TANC1: variants seen among roughly 807,000 people sequenced by gnomAD.
TANC1 encodes protein TANC1.
A neutral mutation model predicts 149.7 loss-of-function variants in TANC1; 77 were observed. That is an observed-to-expected ratio of 0.51 (90% CI 0.43 to 0.62). The LOEUF (loss-of-function observed/expected upper bound fraction) is 0.62, where lower values mean the gene tolerates loss of function less well. TANC1 is among the 20% of genes least tolerant of loss of function. The pLI, the probability that TANC1 is intolerant of heterozygous loss-of-function variation, is 0.00. For synonymous variants in TANC1, 854 were observed against 925.0 expected, an observed-to-expected ratio of 0.92 and a Z score of 1.39; for missense variants, 1,985 against 2,321.8, an observed-to-expected ratio of 0.85 and a Z score of 2.98.
intron 5 of TANC1, among the ~76,000 whole-genome samples, chr2:159,143,685 G>A (rs1458765546): frequency 2.0e-5 from 3 of 151,712 alleles, no homozygotes; most frequent in African/African-American, 4.9e-5. Flanking sequence ...TCTGTCTGAG[G>A]CTGCAGTTCT....
intron 4 of TANC1, among the ~76,000 whole-genome samples, chr2:159,134,318 T>A (rs2050423625): frequency 6.6e-6 from 1 of 152,158 alleles, no homozygotes; most frequent in Non-Finnish European, 1.5e-5. Context: ...ATTTTCTTTA[T>A]TTTTGAGACA....
At position 159,224,236 on chromosome 2, in the gene TANC1, T is replaced by A; in HGVS notation, c.3683T>A (p.Leu1228Gln). The A allele has an allele frequency of 1.9e-6, 3 of 1,614,152 alleles. No homozygotes were observed. Among genetic ancestry groups the A allele is most frequent in the Non-Finnish European group, 2.5e-6 (3 of 1,180,038 alleles). Residue 1228 changes from leucine to glutamine, a missense_variant, in exon 23 of 27, where the codon CTG becomes CAG. By Grantham distance (113) the Leu-to-Gln change is moderately radical. Coordinates refer to ENST00000263635, the MANE Select transcript of TANC1 (RefSeq NM_033394.3). ...AAFYGDAETV[L>Q]YLVEKGAVIE... ...AGGCTTCTGCTGTCTCTGCAGGTGC[T>A]GTACCTGGTGGAGAAGGGAGCCGTG...
intron 23 of TANC1, chr2:159,224,581 G>C: frequency 3.5e-6 from 2 of 567,618 alleles, no homozygotes; most frequent in Non-Finnish European, 6.2e-6. Flanking sequence ...GGCTGGTGTT[G>C]AAGGACAGTC....
At chr2:159,035,190 A>G (rs182709939) in intron 2 of TANC1, among the ~76,000 whole-genome samples, 106 of 152,354 alleles carry the variant, frequency 7.0e-4, no homozygotes, top group African/African-American at 2.4e-3. Flanking sequence ...GGTAAACTGT[A>G]ATAATTCTCT....
In TANC1 at chr2:159,230,586, C is replaced by T; in HGVS notation, c.5160C>T (p.Asn1720=). The T allele has an allele frequency of 1.9e-6, 3 of 1,614,226 alleles. No individual in the cohort carries two copies. The highest frequency in any genetic ancestry group is 2.5e-6 in the Non-Finnish European group (3 of 1,180,044). The part of the protein sequence containing the change: ...QSGTAEHRPR[N]TPFMGIMDKT... Reference sequence around the variant, plus strand: ...GTACAGCTGAGCACAGACCCCGCAACACGCCGTTCATGGGCATCATGGATA... The same window carrying T: ...GTACAGCTGAGCACAGACCCCGCAATACGCCGTTCATGGGCATCATGGATA... Residue 1720 remains asparagine (N), a synonymous_variant, in exon 27 of 27, where the codon AAC becomes AAT. Coordinates refer to ENST00000263635, the MANE Select transcript of TANC1 (RefSeq NM_033394.3). The surrounding 1 kb of genome is among the most constrained non-coding windows in gnomAD (Gnocchi z 4.4).
At chr2:159,160,914 C>A (rs1393688216) in intron 7 of TANC1, among the ~76,000 whole-genome samples, 1 of 152,174 alleles carries the variant, frequency 6.6e-6, no homozygotes, top group Non-Finnish European at 1.5e-5. Flanking sequence ...GCAGCTGAGC[C>A]CTTCCTCCCC....
intron 2 of TANC1, among the ~76,000 whole-genome samples, chr2:159,033,543 G>T (rs1454317307): frequency 6.6e-6 from 1 of 152,180 alleles, no homozygotes; most frequent in Non-Finnish European, 1.5e-5. Context: ...ATTGGTAAAG[G>T]ATGGGTAAGG....
At chr2:159,018,924 C>T (rs1255641852) in intron 2 of TANC1, among the ~76,000 whole-genome samples, 2 of 152,114 alleles carry the variant, frequency 1.3e-5, no homozygotes, top group Non-Finnish European at 2.9e-5. Context: ...TCTTATTATG[C>T]CTTCTCGGGC....
chr2:159,129,442 A>T (rs940554205), intron 4 of TANC1, among the ~76,000 whole-genome samples: 1 of 152,166 alleles, frequency 6.6e-6, no homozygotes, highest in African/African-American at 2.4e-5. Context: ...CTGAATGGGG[A>T]GAGTGCTGTA....
intron 16 of TANC1, among the ~76,000 whole-genome samples, chr2:159,188,343 T>C (rs1307815540): frequency 2.6e-5 from 4 of 152,272 alleles, no homozygotes; most frequent in Admixed American, 2.6e-4. Context: ...TGACTTGCTC[T>C]GGGATGATTA....
chr2:159,006,515 C>T (rs926481059), intron 2 of TANC1, among the ~76,000 whole-genome samples: 4 of 151,914 alleles, frequency 2.6e-5, no homozygotes, highest in Admixed American at 2.6e-4. Context: ...TTGCTCATAC[C>T]TGCAACATTT....
chr2:159,090,340 G>A (rs971169486), intron 3 of TANC1, among the ~76,000 whole-genome samples: 3 of 151,878 alleles, frequency 2.0e-5, no homozygotes, highest in Non-Finnish European at 4.4e-5. Flanking sequence ...CTTTTCTCCC[G>A]ACCTCTTTGT....
intron 3 of TANC1, among the ~76,000 whole-genome samples, chr2:159,069,826 T>C (rs1249086883): frequency 1.4e-5 from 2 of 145,428 alleles, no homozygotes; most frequent in Non-Finnish European, 3.0e-5. Context: ...TGGAGTGCAG[T>C]GGCGTGATCT....
chr2:159,039,699 C>A (rs992385949), intron 2 of TANC1, among the ~76,000 whole-genome samples: 3 of 152,166 alleles, frequency 2.0e-5, no homozygotes, highest in Non-Finnish European at 4.4e-5. Context: ...AATTTGATTG[C>A]ACTATGGTCT....
At chr2:159,193,783 A>T (rs1311836708) in intron 16 of TANC1, among the ~76,000 whole-genome samples, 2 of 152,160 alleles carry the variant, frequency 1.3e-5, no homozygotes, top group Non-Finnish European at 2.9e-5. Context: ...GGCCTCTCAA[A>T]GTGCTGGAAT....
intron 20 of TANC1, among the ~76,000 whole-genome samples, chr2:159,218,351 C>T (rs1170237622): frequency 6.6e-6 from 1 of 152,226 alleles, no homozygotes; most frequent in Non-Finnish European, 1.5e-5. Context: ...GGATTCTTCT[C>T]CCCTTTCCAT....
intron 5 of TANC1, among the ~76,000 whole-genome samples, chr2:159,139,549 C>T (rs573812193): frequency 1.1e-4 from 16 of 152,270 alleles, no homozygotes; most frequent in African/African-American, 3.4e-4. Flanking sequence ...ACAGGATCCA[C>T]GCTTTATTTC....
At chr2:159,097,463 C>T (rs569984113) in intron 3 of TANC1, among the ~76,000 whole-genome samples, 174 bp from the exon 4 acceptor site, 8 of 152,078 alleles carry the variant, frequency 5.3e-5, no homozygotes, top group African/African-American at 1.9e-4. Context: ...CTTGAGTTTT[C>T]CCTCACAGGG....
intron 22 of TANC1, among the ~76,000 whole-genome samples, 160 bp from the exon 23 acceptor site, chr2:159,224,072 C>T (rs904398497): frequency 1.3e-5 from 2 of 152,192 alleles, no homozygotes; most frequent in African/African-American, 4.8e-5. Flanking sequence ...GATTGCAGCT[C>T]CTCTTCTCTG....
Sources: allele counts gnomAD v4.1 joint callset (sites outside exome capture counted in the v4.1 genomes callset), GRCh38; gene constraint gnomAD v4.1.1; non-coding constraint Gnocchi (gnomAD v3.1); transcripts MANE v1.5; gene names NCBI Gene and HGNC (gene_info 2026-07-23, HGNC 2026-07-21).